BBOF1: variants seen among roughly 807,000 people sequenced by gnomAD.
BBOF1 encodes basal body-orientation factor 1.
A neutral mutation model predicts 68.0 loss-of-function variants in BBOF1; 62 were observed. The ratio of observed to expected loss-of-function variants is 0.91; its 90% CI spans 0.74 to 1.13. The LOEUF is 1.13. BBOF1 is among the 50% of genes most tolerant of loss of function. BBOF1 has a pLI of 0.00. For missense variants in BBOF1, 534 were observed against 600.1 expected (o/e 0.89, Z 1.15); for synonymous variants, 208 against 198.8 (o/e 1.05, Z -0.39).
chr14:74,064,859 G>A lies in BBOF1; in HGVS notation c.*160G>A, dbSNP rs771812184. 1 of 1,613,974 alleles carries A rather than the reference G, an allele frequency of 6.2e-7. No individual in the cohort carries two copies. The highest frequency in any genetic ancestry group is 8.5e-7 in the Non-Finnish European group (1 of 1,180,028). ...GAAATTGGTGTCTCCCCTGAAGGAG[G>A]ATCGAGAGCCGGTGAATGAGAACAT... On this transcript the variant is annotated 3_prime_UTR_variant, in exon 12 of 12. Transcript: ENST00000394009.
At chr14:74,071,220 T>C (rs1269606401) in intron 9 of BBOF1, 2 of 1,614,212 alleles carry the variant, frequency 1.2e-6, no homozygotes, top group Non-Finnish European at 1.7e-6. Context: ...GGATGATGTT[T>C]AATGTTCCAT....
At chr14:74,069,793 C>G (rs2060523667), downstream of BBOF1, among the ~76,000 whole-genome samples, 1 of 150,614 alleles carries the variant, frequency 6.6e-6, no homozygotes, top group African/African-American at 2.4e-5. Flanking sequence ...TATTTAGTCT[C>G]TTTCCTTTCA....
At chr14:74,048,883 G>T (rs1349189594) in intron 7 of BBOF1, among the ~76,000 whole-genome samples, 1 of 152,102 alleles carries the variant, frequency 6.6e-6, no homozygotes, top group African/African-American at 2.4e-5. Flanking sequence ...TAGTTATAGA[G>T]AGAGAGAGAA....
chr14:74,071,131 CA>C, intron 9 of BBOF1: 1 of 1,449,366 alleles, frequency 6.9e-7, no homozygotes, highest in Non-Finnish European at 9.7e-7. Context: ...AACATCCAAC[CA>C]TCACTCAACA....
chr14:74,052,609 C>T (rs566420243), intron 8 of BBOF1, among the ~76,000 whole-genome samples: 169 of 151,632 alleles, frequency 1.1e-3, no homozygotes, highest in African/African-American at 3.9e-3. Flanking sequence ...TGTGCCACTG[C>T]ACTCCAGCCT....
Position 74,019,396 on chromosome 14 carries a change from C to T in BBOF1, c.-83C>T. On this transcript the variant is annotated 5_prime_UTR_variant, in exon 1 of 12. Coordinates refer to ENST00000394009, the MANE Select transcript of BBOF1 (RefSeq NM_025057.3). ...CGCGGGTGGGGCATTGCCAGCTCGG[C>T]GTCCCGGTTCCCTTGGAGACAGAGC... 2.0e-6 allele frequency: 3 copies of T among 1,502,736 alleles called. No homozygotes were observed. The highest frequency in any genetic ancestry group is 2.7e-6 in the Non-Finnish European group (3 of 1,122,154). The allele number at this position is 1,502,736 out of a possible 1,614,324, so 93.1% of individuals were successfully genotyped here. A position where few individuals can be genotyped will look rare whatever the true frequency, so the allele number is the denominator to read the frequency against.
In BBOF1 at chr14:74,050,163, T is replaced by G; in HGVS notation, c.1254T>G (p.Ser418Arg). 6.4e-7 allele frequency: 1 copy of G among 1,568,984 alleles called. No individual in the cohort carries two copies. The highest frequency in any genetic ancestry group is 1.2e-5 in the South Asian group (1 of 83,704). The change falls in exon 8 of 12, where the codon AGT becomes AGG. Residue 418 changes from serine (S) to arginine (R), a missense_variant. Transcript: ENST00000394009. ...TFDGREHSTN[S>R]VNQDLLEAEK... ...ATGGCAGAGAGCACAGCACCAATAG[T>G]GTGAATCAGGATCTTCTGGAGGCCG...
chr14:74,032,118 A>ATTTTTT (rs780515040), intron 3 of BBOF1, among the ~76,000 whole-genome samples: 81 of 99,648 alleles, frequency 8.1e-4, no homozygotes, highest in East Asian at 2.2e-3. Flanking sequence ...CTCAAAGTTG[A>ATTTTTT]TTTTTTTTTT....
intron 11 of BBOF1, among the ~76,000 whole-genome samples, chr14:74,063,865 C>T (rs1412157282): frequency 8.1e-6 from 1 of 124,126 alleles, no homozygotes; most frequent in South Asian, 2.5e-4. Flanking sequence ...GACTCTGTCT[C>T]AAAAAAAAAA....
intron 11 of BBOF1, chr14:74,060,012 C>G (rs914496738): frequency 1.3e-5 from 2 of 154,322 alleles, no homozygotes; most frequent in African/African-American, 4.8e-5. Flanking sequence ...CTAAAGAAAA[C>G]TTTGCAGGAG....
chr14:74,020,100 A>G (rs936741875), intron 1 of BBOF1, among the ~76,000 whole-genome samples: 1 of 152,258 alleles, frequency 6.6e-6, no homozygotes, highest in Non-Finnish European at 1.5e-5. Context: ...AAGAAAAAAC[A>G]AAAATCACCT....
chr14:74,029,891 AT>A (rs1447425225), intron 3 of BBOF1, among the ~76,000 whole-genome samples: 1 of 152,108 alleles, frequency 6.6e-6, no homozygotes, highest in Non-Finnish European at 1.5e-5. Context: ...GGAATATAGA[AT>A]TTTTACTTAA....
rs900170283 is a variant in BBOF1, at chr14:74,065,658, G to A, written c.*959G>A. 6 of 337,008 alleles carry A rather than the reference G, an allele frequency of 1.8e-5. No individual in the cohort carries two copies. The highest frequency in any genetic ancestry group is 6.3e-5 in the East Asian group (1 of 15,826). 20.9% of individuals were successfully genotyped at this position (337,008 alleles called of 1,614,324 possible). A position where few individuals can be genotyped will look rare whatever the true frequency, so the allele number is the denominator to read the frequency against. ...TCAGCTGCCTTTTTAATACCTGAAC[G>A]ACTAGTTTCATCCAATTGTTATCAA... On this transcript the variant is annotated 3_prime_UTR_variant, in exon 12 of 12. Coordinates refer to ENST00000394009, the MANE Select transcript of BBOF1 (RefSeq NM_025057.3).
rs767055744 is a variant in BBOF1 at position 74,072,163 on chromosome 14, A to C, written n.1380-6033A>C. 1.3e-5 allele frequency: 21 copies of C among 1,613,660 alleles called. 1 individual carries two copies. In the South Asian group the frequency reaches 2.1e-4, roughly 16 times the overall value. ...TCTGTGAGAGTGACAAACATGCCCT[A>C]GGTGACAGTTTGGAAAAGCATACCA... On this transcript the variant is annotated intron_variant and non_coding_transcript_variant, in intron 9 of 12. Coordinates refer to the BBOF1 transcript ENST00000492026.
chr14:74,067,529 T>C, downstream of BBOF1: 1 of 1,614,178 alleles, frequency 6.2e-7, no homozygotes, highest in Non-Finnish European at 8.5e-7. Context: ...GGTATTTTCC[T>C]TATTGGCATC....
chr14:74,047,685 C>T (rs12888554), intron 6 of BBOF1, among the ~76,000 whole-genome samples: 16,951 of 152,016 alleles, frequency 0.11, 1,239 homozygotes, highest in Admixed American at 0.19. Context: ...GTGATCCTCC[C>T]GTCTCAGCCT....
intron 2 of BBOF1, among the ~76,000 whole-genome samples, chr14:74,023,710 G>T (rs1337778805): frequency 6.6e-6 from 1 of 152,078 alleles, no homozygotes; most frequent in Non-Finnish European, 1.5e-5. Context: ...GAGCCCAGGA[G>T]TTCGTGACCA....
chr14:74,039,504 C>T (rs1190249102), intron 4 of BBOF1, among the ~76,000 whole-genome samples: 1 of 152,088 alleles, frequency 6.6e-6, no homozygotes, highest in East Asian at 1.9e-4. Context: ...TCTCGGCTTA[C>T]TGCAACTTCT....
At chr14:74,070,322 T>C (rs543218933), downstream of BBOF1, among the ~76,000 whole-genome samples, 175 of 152,092 alleles carry the variant, frequency 1.2e-3, 3 homozygotes, top group Admixed American at 9.3e-3. Flanking sequence ...AGTTTGAGAC[T>C]AGCCTGGCCA....
Sources: allele counts gnomAD v4.1 joint callset (sites outside exome capture counted in the v4.1 genomes callset), GRCh38; gene constraint gnomAD v4.1.1; transcripts MANE v1.5; gene names NCBI Gene and HGNC (gene_info 2026-07-23, HGNC 2026-07-21).